The following CTNNA3 variants were observed in gnomAD, a reference collection of about 807,000 sequenced individuals.
CTNNA3 encodes the protein catenin alpha-3.
In CTNNA3, 76 loss-of-function variants were observed where a neutral mutation model predicts 95.7. The observed-to-expected ratio is 0.79, with a 90% CI of 0.66 to 0.96. The LOEUF is 0.96. Ranked by LOEUF, CTNNA3 falls within the 40% of genes least tolerant of loss-of-function variation. CTNNA3 has a pLI of 0.00. For missense variants in CTNNA3, 1,191 were observed against 1,089.8 expected (o/e 1.09, Z -1.31); for synonymous variants, 431 against 374.4 (o/e 1.15, Z -1.74).
intron 5 of CTNNA3, among the ~76,000 whole-genome samples, chr10:67,299,309 C>T (rs891815782): frequency 3.9e-5 from 6 of 151,954 alleles, no homozygotes; most frequent in Admixed American, 2.6e-4. Context: ...AAGAAACCAA[C>T]GTGTTGATTC....
chr10:67,398,187 G>T (rs768420969), intron 5 of CTNNA3, among the ~76,000 whole-genome samples: 4 of 152,232 alleles, frequency 2.6e-5, no homozygotes, highest in East Asian at 1.9e-4. Context: ...CTCAATGCCA[G>T]CCAGTGAAAG....
intron 9 of CTNNA3, among the ~76,000 whole-genome samples, chr10:66,626,003 A>G (rs2132329689): frequency 6.6e-6 from 1 of 152,274 alleles, no homozygotes; most frequent in Non-Finnish European, 1.5e-5. Flanking sequence ...TGACCCTTTA[A>G]AAAAGATCTA....
intron 9 of CTNNA3, among the ~76,000 whole-genome samples, chr10:66,643,857 T>C (rs1845600317): frequency 6.6e-6 from 1 of 152,150 alleles, no homozygotes; most frequent in Non-Finnish European, 1.5e-5. Context: ...CAAATCATGA[T>C]TCATTCAAAT....
intron 7 of CTNNA3, among the ~76,000 whole-genome samples, chr10:67,086,684 T>A (rs1271129020): frequency 6.6e-6 from 1 of 151,870 alleles, no homozygotes; most frequent in Non-Finnish European, 1.5e-5. Context: ...CAAACATAAA[T>A]GCCAATGTTC....
Position 66,651,549 on chromosome 10 carries a change from G to A in CTNNA3, c.1282-29765C>T, listed in dbSNP as rs558577902. 2.6e-5 allele frequency among the ~76,000 whole-genome samples: 4 copies of A among 152,250 alleles called. No individual in the cohort carries two copies. In the East Asian group the frequency reaches 7.8e-4, roughly 30 times the overall value. On this transcript the variant is annotated intron_variant, in intron 9 of 17. Coordinates refer to ENST00000433211, the MANE Select transcript of CTNNA3 (RefSeq NM_013266.4). ...TCGGGGAGGCTCGGGCCTTGCGTGG[G>A]GAGGGGGGTTGGGGGGCAGTGCTCC...
rs531953415 is a variant in CTNNA3 at position 66,111,777 on chromosome 10, G to T, written c.1885-8528C>A. Among the ~76,000 whole-genome samples the T allele has an allele frequency of 2.6e-5, 4 of 152,062 alleles. No individual in the cohort carries two copies. In the East Asian group the frequency reaches 5.8e-4, roughly 22 times the overall value. On this transcript the variant is annotated intron_variant, in intron 13 of 17. Transcript: ENST00000433211. ...AAACTGGGAAGATATTTCTTATATCGCCAGAAAGCTGGTAGGCTTGTGTTA... is the reference window on the plus strand; with the variant it reads ...AAACTGGGAAGATATTTCTTATATCTCCAGAAAGCTGGTAGGCTTGTGTTA...
At chr10:66,720,035 A>C (rs1257470742) in intron 9 of CTNNA3, among the ~76,000 whole-genome samples, 1 of 152,198 alleles carries the variant, frequency 6.6e-6, no homozygotes, top group Non-Finnish European at 1.5e-5. Context: ...GTATGAATGC[A>C]TACATACAAA....
intron 5 of CTNNA3, among the ~76,000 whole-genome samples, chr10:67,443,676 A>T (rs1846623230): frequency 6.6e-6 from 1 of 151,984 alleles, no homozygotes; most frequent in African/African-American, 2.4e-5. Context: ...GTTTGAGTTC[A>T]TTATAGATTC....
chr10:67,486,686 T>A (rs1424340047), intron 5 of CTNNA3, among the ~76,000 whole-genome samples: 1 of 152,180 alleles, frequency 6.6e-6, no homozygotes, highest in African/African-American at 2.4e-5. Context: ...GCCAAATAAC[T>A]GCTAGCTGCA....
At chr10:66,557,081 G>T (rs2171234) in intron 10 of CTNNA3, among the ~76,000 whole-genome samples, 3,408 of 151,816 alleles carry the variant, frequency 0.022, 123 homozygotes, top group African/African-American at 0.078. Context: ...GTGGCTACTA[G>T]GTGCTTATTA....
At chr10:66,610,085 C>G (rs1476472438) in intron 10 of CTNNA3, among the ~76,000 whole-genome samples, 1 of 152,080 alleles carries the variant, frequency 6.6e-6, no homozygotes, top group African/African-American at 2.4e-5. Context: ...ACAATAGACA[C>G]TGGTGCCTGC....
At chr10:66,030,587 C>T (rs988209367) in intron 15 of CTNNA3, among the ~76,000 whole-genome samples, 1 of 152,100 alleles carries the variant, frequency 6.6e-6, no homozygotes, top group Non-Finnish European at 1.5e-5. Flanking sequence ...AAATGTAAGA[C>T]CTAAACCTAT....
At chr10:66,543,858 C>A (rs1841943982) in intron 10 of CTNNA3, among the ~76,000 whole-genome samples, 1 of 141,340 alleles carries the variant, frequency 7.1e-6, no homozygotes, top group Non-Finnish European at 1.5e-5. Context: ...ATTAAAATTG[C>A]TAAATTTTGC....
At chr10:66,477,117 G>A (rs1044901083) in intron 11 of CTNNA3, among the ~76,000 whole-genome samples, 2 of 151,948 alleles carry the variant, frequency 1.3e-5, no homozygotes, top group African/African-American at 4.8e-5. Flanking sequence ...TGACATTAAT[G>A]TCAGTACTCT....
At chr10:67,652,084 G>A (rs1839893284) in intron 1 of CTNNA3, among the ~76,000 whole-genome samples, 1 of 152,186 alleles carries the variant, frequency 6.6e-6, no homozygotes, top group South Asian at 2.1e-4. Context: ...GTCTGGTGAG[G>A]GCCAGCTTTC....
intron 11 of CTNNA3, among the ~76,000 whole-genome samples, chr10:66,459,087 T>C (rs2093512153): frequency 6.6e-6 from 1 of 152,174 alleles, no homozygotes. Context: ...CAGCTCCTCA[T>C]CTTTGTCCTC....
chr10:66,117,605 T>C (rs1217314691), intron 13 of CTNNA3, among the ~76,000 whole-genome samples: 1 of 152,154 alleles, frequency 6.6e-6, no homozygotes, highest in African/African-American at 2.4e-5. Context: ...TTGCAGCTTT[T>C]AGTAAGCATG....
intron 13 of CTNNA3, among the ~76,000 whole-genome samples, chr10:66,242,091 C>T (rs951602151): frequency 1.1e-4 from 16 of 152,142 alleles, no homozygotes; most frequent in South Asian, 2.1e-4. Context: ...ATGCTCAGCC[C>T]CCCTGCCATG....
At chr10:67,149,591 C>CA (rs1232061195) in intron 7 of CTNNA3, among the ~76,000 whole-genome samples, 3 of 151,912 alleles carry the variant, frequency 2.0e-5, no homozygotes, top group Non-Finnish European at 4.4e-5. Context: ...TCTCAAAAAA[C>CA]AAAAAGAAAG....
Sources: gnomAD v4.1 joint callset for allele counts (sites outside exome capture counted in the v4.1 genomes callset) on GRCh38, gnomAD v4.1.1 for gene constraint, MANE v1.5 for transcripts, NCBI Gene and HGNC (gene_info 2026-07-23, HGNC 2026-07-21) for gene names.